The following SNTG2 variants were observed in gnomAD, a reference collection of about 807,000 sequenced individuals.
The protein encoded by SNTG2 is syntrophin gamma 2.
Under a neutral mutation model 70.9 loss-of-function variants are expected in SNTG2, and 74 were observed. The ratio of observed to expected loss-of-function variants is 1.04; its 90% CI spans 0.86 to 1.27. The LOEUF (loss-of-function observed/expected upper bound fraction) is 1.27, where lower values mean the gene tolerates loss of function less well. Among genes scored for constraint, SNTG2 ranks in the 50% most tolerant of loss-of-function variants. The pLI, the probability that SNTG2 is intolerant of heterozygous loss-of-function variation, is 0.00. For synonymous variants in SNTG2, 278 were observed against 273.8 expected (o/e 1.02, Z -0.15); for missense variants, 717 against 690.7 (o/e 1.04, Z -0.43).
chr2:1,056,218 A>G (rs1662385727), intron 1 of SNTG2, among the ~76,000 whole-genome samples: 1 of 139,494 alleles, frequency 7.2e-6, no homozygotes, highest in Admixed American at 7.3e-5. Flanking sequence ...GATGAGAGGG[A>G]GAGTGCATGG....
At chr2:995,567 A>T (rs1395428152) in intron 1 of SNTG2, among the ~76,000 whole-genome samples, 1 of 152,122 alleles carries the variant, frequency 6.6e-6, no homozygotes, top group Non-Finnish European at 1.5e-5. Context: ...TTTGTCCCAT[A>T]GAATAAGTTG....
intron 1 of SNTG2, among the ~76,000 whole-genome samples, chr2:1,078,992 T>A (rs1364013065): frequency 6.6e-6 from 1 of 152,190 alleles, no homozygotes; most frequent in African/African-American, 2.4e-5. Context: ...TTGTTTTGAA[T>A]GGGAAAGACT....
intron 1 of SNTG2, among the ~76,000 whole-genome samples, chr2:1,076,298 T>G (rs1382757593): frequency 6.6e-6 from 1 of 152,188 alleles, no homozygotes; most frequent in Non-Finnish European, 1.5e-5. Context: ...GTTCCTTCCT[T>G]CCACCCGTAT....
chr2:1,313,677 G>A (rs754274665), intron 15 of SNTG2, among the ~76,000 whole-genome samples: 2 of 152,162 alleles, frequency 1.3e-5, no homozygotes, highest in Non-Finnish European at 2.9e-5. Context: ...ATTTGGAAGG[G>A]ACGATTATGA....
rs190276018 is a variant in SNTG2, at chr2:1,297,783, T to G, written c.1285-10711T>G. On this transcript the variant is annotated intron_variant, in intron 14 of 16. Coordinates refer to ENST00000308624, the MANE Select transcript of SNTG2 (RefSeq NM_018968.4). Reference sequence around the variant, plus strand: ...GAAGGTCCAGAAGGCAGGGATCTTGTCCTCGTTCCACGTTAGGACCATGTG... The same window carrying G: ...GAAGGTCCAGAAGGCAGGGATCTTGGCCTCGTTCCACGTTAGGACCATGTG... Among the ~76,000 whole-genome samples the G allele has an allele frequency of 4.5e-3, 684 of 152,348 alleles. 6 individuals carry two copies. Among genetic ancestry groups the G allele is most frequent in the African/African-American group, 0.015 (642 of 41,580 alleles).
intron 1 of SNTG2, among the ~76,000 whole-genome samples, chr2:1,062,274 G>A (rs1331514613): frequency 6.6e-6 from 1 of 152,132 alleles, no homozygotes; most frequent in Admixed American, 6.5e-5. Context: ...CGTGCACCAA[G>A]GATATACTTT....
intron 4 of SNTG2, among the ~76,000 whole-genome samples, chr2:1,110,299 A>G (rs528300994): frequency 1.1e-4 from 16 of 152,134 alleles, no homozygotes; most frequent in Admixed American, 3.9e-4. Flanking sequence ...TGGGGTCACC[A>G]TGACATGGGC....
chr2:1,176,881 G>T (rs1014528751), intron 8 of SNTG2, among the ~76,000 whole-genome samples: 9 of 152,128 alleles, frequency 5.9e-5, no homozygotes, highest in African/African-American at 2.2e-4. Flanking sequence ...CACTGTTGGT[G>T]GGAATGTAAA....
chr2:973,110 C>T (rs1423660210), intron 1 of SNTG2, among the ~76,000 whole-genome samples: 1 of 152,132 alleles, frequency 6.6e-6, no homozygotes, highest in Non-Finnish European at 1.5e-5. Flanking sequence ...ATCAGTAATT[C>T]TTATAGCAAA....
chr2:1,299,316 T>A (rs1680352679), intron 14 of SNTG2, among the ~76,000 whole-genome samples: 2 of 152,166 alleles, frequency 1.3e-5, no homozygotes, highest in South Asian at 4.1e-4. Flanking sequence ...AAATTTATCC[T>A]CTCATTTCTG....
chr2:1,275,013 T>G (rs1293656151), intron 14 of SNTG2, among the ~76,000 whole-genome samples: 1 of 152,216 alleles, frequency 6.6e-6, no homozygotes, highest in Non-Finnish European at 1.5e-5. Context: ...GAAGCCGACA[T>G]GTGCAAAGGG....
At chr2:1,124,495 A>C (rs1167736377) in intron 4 of SNTG2, among the ~76,000 whole-genome samples, 1 of 151,882 alleles carries the variant, frequency 6.6e-6, no homozygotes, top group Non-Finnish European at 1.5e-5. Flanking sequence ...ACGGGGTTTC[A>C]TTGTGTTAAC....
intron 8 of SNTG2, among the ~76,000 whole-genome samples, chr2:1,187,343 A>G (rs1672309903): frequency 2.0e-5 from 3 of 152,208 alleles, no homozygotes; most frequent in African/African-American, 4.8e-5. Flanking sequence ...GGTAAAGCAC[A>G]TGGACCTCCC....
intron 9 of SNTG2, among the ~76,000 whole-genome samples, chr2:1,234,902 A>T (rs1676505394): frequency 6.6e-6 from 1 of 152,244 alleles, no homozygotes; most frequent in Admixed American, 6.5e-5. Context: ...TGACCACAGT[A>T]CTGACCCTGC....
chr2:1,075,446 A>G (rs1663855543), intron 1 of SNTG2, among the ~76,000 whole-genome samples: 1 of 152,142 alleles, frequency 6.6e-6, no homozygotes. Context: ...TTTCCAATGG[A>G]AAGTGTTTGT....
intron 8 of SNTG2, among the ~76,000 whole-genome samples, chr2:1,193,679 G>T (rs1170994533): frequency 2.0e-5 from 3 of 152,132 alleles, no homozygotes; most frequent in African/African-American, 7.2e-5. Flanking sequence ...AGAAAGTCCT[G>T]AGCATTTCTA....
chr2:1,075,274 G>T (rs76046748), intron 1 of SNTG2, among the ~76,000 whole-genome samples: 3 of 152,182 alleles, frequency 2.0e-5, no homozygotes, highest in African/African-American at 7.2e-5. Context: ...GAGTGGGGAC[G>T]ACCTGAGTGG....
At chr2:1,348,809 C>G (rs1389755470) in intron 16 of SNTG2, among the ~76,000 whole-genome samples, 1 of 152,188 alleles carries the variant, frequency 6.6e-6, no homozygotes, top group Non-Finnish European at 1.5e-5. Flanking sequence ...TTTTCATTAA[C>G]AAATTGTTGT....
chr2:1,169,039 C>G (rs1205912613), intron 7 of SNTG2, among the ~76,000 whole-genome samples: 1 of 152,080 alleles, frequency 6.6e-6, no homozygotes, highest in African/African-American at 2.4e-5. Flanking sequence ...CAGGGAGACT[C>G]AGGTGTCAGA....
Sources: allele counts gnomAD v4.1 joint callset (sites outside exome capture counted in the v4.1 genomes callset), GRCh38; gene constraint gnomAD v4.1.1; transcripts MANE v1.5; gene names NCBI Gene and HGNC (gene_info 2026-07-23, HGNC 2026-07-21).